Variants in PDE10A observed in about 807,000 individuals in gnomAD.
The protein encoded by PDE10A is phosphodiesterase 10A, also known as cAMP and cAMP-inhibited cGMP 3',5'-cyclic phosphodiesterase 10A.
In PDE10A, 39 loss-of-function variants were observed where a neutral mutation model predicts 97.7. The observed-to-expected ratio is 0.40, with a 90% confidence interval of 0.31 to 0.52. The LOEUF is 0.52. PDE10A is among the 20% of genes least tolerant of loss of function. The pLI is 0.56. For missense variants in PDE10A, 731 were observed against 1,047.8 expected, an observed-to-expected ratio of 0.70 and a Z score of 4.17; for synonymous variants, 371 against 376.8, an observed-to-expected ratio of 0.98 and a Z score of 0.18.
intron 1 of PDE10A, among the ~76,000 whole-genome samples, chr6:165,868,804 C>A (rs1217624708): frequency 4.6e-5 from 7 of 151,882 alleles, no homozygotes. Context: ...AACAATTCAC[C>A]AAAAAGATAA....
At chr6:165,615,735 G>A (rs1787698826) in intron 1 of PDE10A, among the ~76,000 whole-genome samples, 1 of 152,154 alleles carries the variant, frequency 6.6e-6, no homozygotes, top group African/African-American at 2.4e-5. Context: ...TTATTTTACT[G>A]AAATTCGCAT....
At chr6:165,927,196 C>A (rs1001778061) in intron 1 of PDE10A, among the ~76,000 whole-genome samples, 1 of 151,980 alleles carries the variant, frequency 6.6e-6, no homozygotes, top group Non-Finnish European at 1.5e-5. Context: ...TGCACATGTA[C>A]GCCAGAACGT....
intron 1 of PDE10A, chr6:165,754,485 C>T (rs1393334092): frequency 6.6e-6 from 1 of 152,022 alleles, no homozygotes; most frequent in Non-Finnish European, 1.5e-5. Flanking sequence ...ACAAATATTG[C>T]TTTAGAAGTA....
rs529110923 is a variant in PDE10A at position 165,850,681 on chromosome 6, C to T, written c.-615+136848G>A. 5.3e-5 allele frequency among the ~76,000 whole-genome samples: 8 copies of T among 152,238 alleles called. No individual in the cohort carries two copies. The East Asian group carries it at 1.5e-3, about 29-fold the overall frequency. On this transcript the variant is annotated intron_variant, in intron 1 of 19. Transcript: ENST00000366882. Reference sequence around the variant, plus strand: ...GCTGGGAAGGCAGCGCTCAGACTTCCCTAAACTTCACAGAGGGCGTGAATG... The same window carrying T: ...GCTGGGAAGGCAGCGCTCAGACTTCTCTAAACTTCACAGAGGGCGTGAATG...
At chr6:165,710,419 T>C (rs1319951634) in intron 1 of PDE10A, among the ~76,000 whole-genome samples, 3 of 152,210 alleles carry the variant, frequency 2.0e-5, no homozygotes, top group East Asian at 1.9e-4. Flanking sequence ...TTTTAGTTTT[T>C]GTGAATATAT....
chr6:165,792,526 G>A (rs1778687145), intron 1 of PDE10A, among the ~76,000 whole-genome samples: 1 of 152,114 alleles, frequency 6.6e-6, no homozygotes, highest in Admixed American at 6.5e-5. Flanking sequence ...TTGTCTCCAG[G>A]ATGCCACTCT....
At chr6:165,660,793 C>G (rs1003568293) in intron 1 of PDE10A, 1 of 151,418 alleles carries the variant, frequency 6.6e-6, no homozygotes, top group Non-Finnish European at 1.5e-5. Flanking sequence ...GACAAAGGCT[C>G]GGGTGCACAC....
At chr6:165,693,304 G>A (rs1791353402) in intron 1 of PDE10A, among the ~76,000 whole-genome samples, 1 of 152,096 alleles carries the variant, frequency 6.6e-6, no homozygotes, top group Non-Finnish European at 1.5e-5. Context: ...GCCTAGGTGG[G>A]TGGATCATCT....
Position 165,565,606 on chromosome 6 carries a change from G to A in PDE10A, c.866-22038C>T, listed in dbSNP as rs144547529. On this transcript the variant is annotated intron_variant, in intron 1 of 21. Coordinates refer to ENST00000539869, the MANE Select transcript of PDE10A (RefSeq NM_001385079.1). The stretch of plus-strand genomic sequence containing the variant: ...TTAAAGTTTATATTGAGAGACAAAA[G>A]TCTCACAATAGCCAGCACAATATTG... Among the ~76,000 whole-genome samples, 3 of 152,228 alleles carry A rather than the reference G, an allele frequency of 2.0e-5. No homozygotes were observed. The East Asian group carries it at 5.8e-4, about 29-fold the overall frequency.
At chr6:165,669,607 C>A (rs1486812500) in intron 1 of PDE10A, among the ~76,000 whole-genome samples, 1 of 152,190 alleles carries the variant, frequency 6.6e-6, no homozygotes, top group Non-Finnish European at 1.5e-5. Flanking sequence ...ATCACTGTCT[C>A]CTCACTTGAC....
At chr6:165,774,565 T>A (rs1269128776) in intron 1 of PDE10A, among the ~76,000 whole-genome samples, 5 of 147,750 alleles carry the variant, frequency 3.4e-5, no homozygotes, top group African/African-American at 4.9e-5. Flanking sequence ...AAACATAACA[T>A]GCATATTATT....
intron 18 of PDE10A, among the ~76,000 whole-genome samples, chr6:165,360,685 G>A (rs1783351081): frequency 1.3e-5 from 2 of 152,180 alleles, no homozygotes; most frequent in African/African-American, 2.4e-5. Context: ...AAATAACCGA[G>A]TGCTGGAAAC....
chr6:165,882,713 T>G (rs1781516936), intron 1 of PDE10A, among the ~76,000 whole-genome samples: 1 of 151,460 alleles, frequency 6.6e-6, no homozygotes, highest in Non-Finnish European at 1.5e-5. Flanking sequence ...ACATGTATCT[T>G]CCAAAATCTT....
intron 1 of PDE10A, among the ~76,000 whole-genome samples, chr6:165,953,283 C>T (rs568603319): frequency 1.3e-5 from 2 of 152,224 alleles, no homozygotes; most frequent in Admixed American, 1.3e-4. Context: ...AATTTGAGGG[C>T]TGTTTAATAT....
At chr6:165,657,218 T>C (rs1790011113) in intron 1 of PDE10A, among the ~76,000 whole-genome samples, 1 of 152,206 alleles carries the variant, frequency 6.6e-6, no homozygotes, top group Non-Finnish European at 1.5e-5. Flanking sequence ...GCAAGATAAT[T>C]TCAGCAAGTG....
chr6:165,924,828 A>G (rs1201873904), intron 1 of PDE10A, among the ~76,000 whole-genome samples: 1 of 152,242 alleles, frequency 6.6e-6, no homozygotes, highest in East Asian at 1.9e-4. Context: ...AAAAGTAAGC[A>G]TAGGAGAAGA....
At chr6:165,376,894 G>A (rs1784636818) in intron 18 of PDE10A, among the ~76,000 whole-genome samples, 1 of 152,102 alleles carries the variant, frequency 6.6e-6, no homozygotes, top group Non-Finnish European at 1.5e-5. Context: ...ATGTTGACAG[G>A]CTGAACAAGA....
At chr6:165,440,412 T>A (rs374398320) in intron 5 of PDE10A, among the ~76,000 whole-genome samples, 8 of 152,216 alleles carry the variant, frequency 5.3e-5, no homozygotes, top group African/African-American at 1.9e-4. Context: ...AACTAAAATG[T>A]GTTCTTCCCA....
At chr6:165,857,174 G>A (rs79536703) in intron 1 of PDE10A, among the ~76,000 whole-genome samples, 6,398 of 152,138 alleles carry the variant, frequency 0.042, 161 homozygotes, top group Middle Eastern at 0.078. Context: ...ATCTGAAAGG[G>A]GTTGAGTTTG....
Sources: allele counts gnomAD v4.1 joint callset (sites outside exome capture counted in the v4.1 genomes callset), GRCh38; gene constraint gnomAD v4.1.1; transcripts MANE v1.5; gene names NCBI Gene and HGNC (gene_info 2026-07-23, HGNC 2026-07-21).